GTF2IRD1: variants seen among roughly 807,000 people sequenced by gnomAD.
GTF2IRD1 encodes general transcription factor II-I repeat domain-containing protein 1.
In GTF2IRD1, 26 loss-of-function variants were observed where a neutral mutation model predicts 113.2. The ratio of observed to expected loss-of-function variants is 0.23; its 90% CI spans 0.17 to 0.32. The LOEUF is 0.32. GTF2IRD1 is among the 10% of genes least tolerant of loss of function. The pLI, the probability that GTF2IRD1 is intolerant of heterozygous loss-of-function variation, is 1.00. For missense variants in GTF2IRD1, 864 were observed against 1,280.8 expected, an observed-to-expected ratio of 0.67 and a Z score of 4.97; for synonymous variants, 484 against 529.1, an observed-to-expected ratio of 0.91 and a Z score of 1.17.
Position 74,545,762 on chromosome 7 carries a change from T to C in GTF2IRD1, c.1685T>C (p.Ile562Thr). 6.2e-7 allele frequency: 1 copy of C among 1,612,998 alleles called. No individual in the cohort carries two copies. The highest frequency in any genetic ancestry group is 8.5e-7 in the Non-Finnish European group (1 of 1,179,870). Reference sequence around the variant, plus strand: ...CTTCCAGACAGCCACGGTGACGTGATCCGGCCCCTGCGGAAGCAGGTGGAG... The same window carrying C: ...CTTCCAGACAGCCACGGTGACGTGACCCGGCCCCTGCGGAAGCAGGTGGAG... Reference protein sequence around the residue: ...RPVEDSHGDVIRPLRKQVELL... With the variant: ...RPVEDSHGDVTRPLRKQVELL... Residue 562 changes from isoleucine to threonine, a missense_variant, in exon 16 of 27, where the codon ATC becomes ACC. Coordinates refer to ENST00000424337, the MANE Select transcript of GTF2IRD1 (RefSeq NM_005685.4).
Position 74,539,950 on chromosome 7 carries a change from G to A in GTF2IRD1, c.1600G>A (p.Gly534Arg), listed in dbSNP as rs1667711340. The change falls in exon 14 of 27, where the codon GGG (glycine) becomes AGG (arginine). Residue 534 changes from glycine (G) to arginine (R), a missense_variant. Around this residue, in one of 7 missense-constraint regions of GTF2IRD1, gnomAD observed 218 missense variants for 352.6 expected, o/e 0.62. Coordinates refer to ENST00000424337, the MANE Select transcript of GTF2IRD1 (RefSeq NM_005685.4). ...CCTGCCATCGGAGGATTCTGGTTATGGGATGGAGATGCTGACAGGTAAGAA... is the reference window on the plus strand; with the variant it reads ...CCTGCCATCGGAGGATTCTGGTTATAGGATGGAGATGCTGACAGGTAAGAA... The part of the protein sequence containing the change: ...GHLPSEDSGY[G>R]MEMLTDKGLS... 6.2e-7 allele frequency: 1 copy of A among 1,612,720 alleles called. No individual in the cohort carries two copies.
chr7:74,547,575 A>T (rs1227305144), intron 17 of GTF2IRD1, among the ~76,000 whole-genome samples: 2 of 150,604 alleles, frequency 1.3e-5, no homozygotes, highest in Non-Finnish European at 2.9e-5. Context: ...AGTAGCTGAG[A>T]CTACAGGTGC....
intron 22 of GTF2IRD1, among the ~76,000 whole-genome samples, chr7:74,580,268 A>G (rs1554365747): frequency 6.6e-6 from 1 of 152,168 alleles, no homozygotes; most frequent in Non-Finnish European, 1.5e-5. Context: ...GGCTCTGTGA[A>G]GTGGTTCAGG....
intron 22 of GTF2IRD1, among the ~76,000 whole-genome samples, chr7:74,560,503 T>C (rs1224499068): frequency 4.1e-5 from 6 of 147,068 alleles, no homozygotes; most frequent in African/African-American, 9.8e-5. Flanking sequence ...AAAAATATTA[T>C]ATATAATTAA....
intron 17 of GTF2IRD1, among the ~76,000 whole-genome samples, chr7:74,554,500 C>T (rs1384506346): frequency 1.3e-5 from 2 of 152,158 alleles, no homozygotes; most frequent in Admixed American, 6.6e-5. Context: ...TTTCCAGAAG[C>T]TTGGAGTTCT....
chr7:74,498,526 G>T (rs1795850419), intron 1 of GTF2IRD1, among the ~76,000 whole-genome samples: 1 of 151,754 alleles, frequency 6.6e-6, no homozygotes, highest in Admixed American at 6.6e-5. Flanking sequence ...TTCCACTCCT[G>T]TACCCAGAGA....
intron 25 of GTF2IRD1, among the ~76,000 whole-genome samples, 158 bp downstream of exon 25, chr7:74,595,209 C>G (rs1802334549): frequency 6.6e-6 from 1 of 151,896 alleles, no homozygotes; most frequent in Admixed American, 6.6e-5. Context: ...AGTTCAAGAC[C>G]AGCCTGAGCA....
At chr7:74,491,619 G>A (rs568097466) in intron 1 of GTF2IRD1, among the ~76,000 whole-genome samples, 19 of 152,076 alleles carry the variant, frequency 1.2e-4, no homozygotes, top group Middle Eastern at 3.4e-3. Flanking sequence ...AAGGATAATG[G>A]CCTCCAGCTC....
At chr7:74,560,563 A>G (rs1490471667) in intron 22 of GTF2IRD1, among the ~76,000 whole-genome samples, 24 of 147,448 alleles carry the variant, frequency 1.6e-4, no homozygotes, top group Non-Finnish European at 3.4e-4. Context: ...TATTATATAT[A>G]TAATAAAAAA....
chr7:74,544,218 TCTCA>T (rs1402181383), intron 14 of GTF2IRD1, among the ~76,000 whole-genome samples: 51 of 152,322 alleles, frequency 3.3e-4, no homozygotes, highest in Admixed American at 1.6e-3. Context: ...TGAGACGGAG[TCTCA>T]CTCTGTTGCC....
intron 1 of GTF2IRD1, among the ~76,000 whole-genome samples, chr7:74,477,178 A>G (rs1211682128): frequency 1.3e-5 from 2 of 152,138 alleles, no homozygotes; most frequent in African/African-American, 4.8e-5. Flanking sequence ...AGCCTGGCCA[A>G]CATGGTGAAA....
At chr7:74,495,300 G>T (rs536474793) in intron 1 of GTF2IRD1, among the ~76,000 whole-genome samples, 1 of 152,178 alleles carries the variant, frequency 6.6e-6, no homozygotes, top group Admixed American at 6.5e-5. Context: ...AGCATTTCCC[G>T]CTGGACAGCC....
intron 1 of GTF2IRD1, among the ~76,000 whole-genome samples, chr7:74,466,952 C>CTT (rs782708976): frequency 5.0e-5 from 7 of 140,292 alleles, no homozygotes; most frequent in Admixed American, 1.4e-4. Flanking sequence ...CTTTTTCTTT[C>CTT]TTTTTTTTTT....
chr7:74,458,397 TGGG>T (rs1327351077), intron 1 of GTF2IRD1, among the ~76,000 whole-genome samples: 1 of 140,024 alleles, frequency 7.1e-6, no homozygotes, highest in Non-Finnish European at 1.6e-5. Context: ...GTGTAGATGT[TGGG>T]GGCTCCAGAT....
At chr7:74,574,792 A>G (rs1385905244) in intron 22 of GTF2IRD1, among the ~76,000 whole-genome samples, 3 of 151,876 alleles carry the variant, frequency 2.0e-5, no homozygotes, top group African/African-American at 4.8e-5. Flanking sequence ...ACTGATTAAA[A>G]AAAAAAAAAA....
intron 7 of GTF2IRD1, among the ~76,000 whole-genome samples, chr7:74,522,907 T>C (rs965234749): frequency 6.6e-6 from 1 of 152,356 alleles, no homozygotes; most frequent in Non-Finnish European, 1.5e-5. Context: ...TTACTGATTA[T>C]AAATGAACCA....
chr7:74,504,415 C>A lies in GTF2IRD1; in HGVS notation c.-6-3660C>A, dbSNP rs147934997. Among the ~76,000 whole-genome samples, 477 of 152,278 alleles carry A rather than the reference C, an allele frequency of 3.1e-3. 2 individuals carry two copies. Among genetic ancestry groups the A allele is most frequent in the Middle Eastern group, 0.01 (3 of 294 alleles). ...TAGGACTGAGGGGTTTCCCAGGAGA[C>A]GGAACTTTCTGTGTAAACCCAGGAA... On this transcript the variant is annotated intron_variant, in intron 1 of 26. Transcript: ENST00000424337.
At chr7:74,526,923 C>T (rs1467220624) in intron 8 of GTF2IRD1, among the ~76,000 whole-genome samples, 3 of 152,064 alleles carry the variant, frequency 2.0e-5, no homozygotes, top group Non-Finnish European at 2.9e-5. Context: ...AGACCTGGGC[C>T]GCTGCATCAA....
intron 1 of GTF2IRD1, among the ~76,000 whole-genome samples, chr7:74,504,007 A>T (rs1460967533): frequency 6.6e-6 from 1 of 151,880 alleles, no homozygotes; most frequent in Admixed American, 6.6e-5. Flanking sequence ...AGAACATTTG[A>T]TATTTGGTTT....
Sources: gnomAD v4.1 joint callset for allele counts (sites outside exome capture counted in the v4.1 genomes callset) on GRCh38, gnomAD v4.1.1 for gene constraint, gnomAD v4.1.1 regional missense constraint, MANE v1.5 for transcripts, NCBI Gene and HGNC (gene_info 2026-07-23, HGNC 2026-07-21) for gene names.